Variants in UTRN observed in about 807,000 individuals in gnomAD.
UTRN encodes dystrophin-related protein 1.
UTRN carries 283 observed loss-of-function variants against 463.9 expected under a neutral mutation model. The observed-to-expected ratio is 0.61, with a 90% CI of 0.55 to 0.67. UTRN has a LOEUF of 0.67. UTRN is among the 30% of genes least tolerant of loss of function. The pLI is 0.00. For synonymous variants in UTRN, 1,442 were observed against 1,431.5 expected, an observed-to-expected ratio of 1.01 and a Z score of -0.17; for missense variants, 3,922 against 4,084.3, an observed-to-expected ratio of 0.96 and a Z score of 1.08.
chr6:144,771,497 C>T (rs906595543), intron 58 of UTRN, among the ~76,000 whole-genome samples: 2 of 152,136 alleles, frequency 1.3e-5, no homozygotes, highest in Non-Finnish European at 2.9e-5. Flanking sequence ...ACGATCTCGG[C>T]TCACTGCAAC....
At chr6:144,474,164 G>A (rs1790951397) in intron 24 of UTRN, among the ~76,000 whole-genome samples, 1 of 150,176 alleles carries the variant, frequency 6.7e-6, no homozygotes, top group Non-Finnish European at 1.5e-5. Flanking sequence ...AATTTGAGAA[G>A]TGTCTGTTCA....
chr6:144,676,516 G>A (rs994405787), intron 51 of UTRN, among the ~76,000 whole-genome samples: 5 of 148,180 alleles, frequency 3.4e-5, no homozygotes, highest in Admixed American at 2.0e-4. Context: ...TTGCTGACAC[G>A]TTAAAAGTTT....
chr6:144,434,989 G>C (rs747244599), intron 9 of UTRN, among the ~76,000 whole-genome samples: 2 of 152,180 alleles, frequency 1.3e-5, no homozygotes, highest in Admixed American at 6.5e-5. Context: ...CCCTGAAGAT[G>C]ATGCTAGAAA....
rs972701890 is a variant in UTRN at position 144,447,204 on chromosome 6, C to T, written c.1615-7C>T. 8 of 1,612,484 alleles carry T rather than the reference C, an allele frequency of 5.0e-6. No individual in the cohort carries two copies. Among genetic ancestry groups the T allele is most frequent in the Non-Finnish European group, 5.9e-6 (7 of 1,179,086 alleles). ...AGATAAAGTTCAACTTTTGTTATTA[C>T]TTGTAGTGCTTGTTGAAAGCTTGGT... On this transcript the variant is annotated splice_region_variant and splice_polypyrimidine_tract_variant and intron_variant, in intron 14 of 74. Coordinates refer to ENST00000367545, the MANE Select transcript of UTRN (RefSeq NM_007124.3).
chr6:144,717,888 G>T (rs911217558), intron 53 of UTRN, among the ~76,000 whole-genome samples: 1 of 151,978 alleles, frequency 6.6e-6, no homozygotes, highest in Non-Finnish European at 1.5e-5. Context: ...ACCCGCCTCA[G>T]CCTCCCAAAG....
At chr6:144,740,383 T>C (rs1789917335) in intron 54 of UTRN, among the ~76,000 whole-genome samples, 1 of 152,230 alleles carries the variant, frequency 6.6e-6, no homozygotes, top group South Asian at 2.1e-4. Context: ...AATGGAATCA[T>C]AAACAGTTCA....
At chr6:144,461,501 CATAAA>C (rs1444110550) in intron 22 of UTRN, among the ~76,000 whole-genome samples, 159 bp downstream of exon 22, 1 of 152,116 alleles carries the variant, frequency 6.6e-6, no homozygotes, top group Non-Finnish European at 1.5e-5. Flanking sequence ...TTTGACCTCA[CATAAA>C]AGAAAGTACA....
Position 144,474,661 on chromosome 6 carries a change from G to C in UTRN, c.3238G>C (p.Glu1080Gln), listed in dbSNP as rs186132636. ...ESSLKNMKEI[E>Q]TNLRSGPVAG... ...ATCTCTGAAAAACATGAAGGAAATA[G>C]AGACTAATCTTCGAAGTGGTCCAGT... The change falls in exon 25 of 75, where the codon GAG (glutamate) becomes CAG (glutamine). Residue 1080 changes from glutamate to glutamine, a missense_variant. Physicochemically the swap from Glu to Gln is conservative, Grantham distance 29 (BLOSUM62 2). Coordinates refer to ENST00000367545, the MANE Select transcript of UTRN (RefSeq NM_007124.3). 8 of 1,613,902 alleles carry C rather than the reference G, an allele frequency of 5.0e-6. No homozygotes were observed. The Admixed American group carries it at 1.0e-4, about 20-fold the overall frequency.
chr6:144,489,323 A>T (rs1416414785), intron 30 of UTRN, among the ~76,000 whole-genome samples: 1 of 151,850 alleles, frequency 6.6e-6, no homozygotes, highest in African/African-American at 2.4e-5. Context: ...TAATTTTTGT[A>T]TTTTTAGTAG....
chr6:144,675,046 A>T (rs1781452618), intron 51 of UTRN, among the ~76,000 whole-genome samples: 1 of 152,224 alleles, frequency 6.6e-6, no homozygotes, highest in African/African-American at 2.4e-5. Context: ...TCATATTACC[A>T]GAACTGCTTT....
intron 53 of UTRN, among the ~76,000 whole-genome samples, chr6:144,718,043 C>T (rs1360107388): frequency 1.3e-5 from 2 of 152,274 alleles, no homozygotes; most frequent in East Asian, 3.9e-4. Flanking sequence ...TTTGTTCTGG[C>T]ATTGGTCAAC....
intron 53 of UTRN, among the ~76,000 whole-genome samples, chr6:144,729,266 A>C (rs575390571): frequency 1.3e-5 from 2 of 152,188 alleles, no homozygotes; most frequent in Non-Finnish European, 1.5e-5. Context: ...CCATATTTTT[A>C]TATAAGATAA....
chr6:144,390,436 G>T (rs1781805892), intron 2 of UTRN, among the ~76,000 whole-genome samples: 2 of 152,098 alleles, frequency 1.3e-5, no homozygotes, highest in South Asian at 4.1e-4. Flanking sequence ...GCACCCTTCT[G>T]ATCATGTCAC....
rs1027312734 is a variant in UTRN, at chr6:144,850,882, TAA to T, written c.10294-106_10294-105del. Reference sequence around the variant, plus strand: ...CAGGAAGCAAAAGTCACAGTAGAGTTAAGACTCTTGAAAGAAGCACTTTTATT... The same window carrying T: ...CAGGAAGCAAAAGTCACAGTAGAGTTGACTCTTGAAAGAAGCACTTTTATT... On this transcript the variant is annotated intron_variant, in intron 74 of 74. Coordinates refer to ENST00000367545, the MANE Select transcript of UTRN (RefSeq NM_007124.3). 9.3e-5 allele frequency: 137 copies of T among 1,480,690 alleles called. No individual in the cohort carries two copies. In the African/African-American group the frequency reaches 1.4e-3, roughly 16 times the overall value. 91.7% of individuals were successfully genotyped at this position (1,480,690 alleles called of 1,614,324 possible). A position where few individuals can be genotyped will look rare whatever the true frequency, so the allele number is the denominator to read the frequency against.
chr6:144,384,136 C>T lies in UTRN; in HGVS notation c.80-18987C>T, dbSNP rs897251941. Among the ~76,000 whole-genome samples, 55 of 152,026 alleles carry T rather than the reference C, an allele frequency of 3.6e-4. 2 individuals carry two copies. On this transcript the variant is annotated intron_variant, in intron 2 of 74. Transcript: ENST00000367545. ...TACATACATCTTGTTATATAACCAT[C>T]ACTACCATCGTTCTCCTGAATTCTT... is the stretch of plus-strand genomic sequence containing the variant.
chr6:144,632,807 C>T (rs971102933), intron 51 of UTRN, among the ~76,000 whole-genome samples: 28 of 151,720 alleles, frequency 1.8e-4, no homozygotes, highest in Middle Eastern at 3.2e-3. Context: ...CTGCAACCTC[C>T]GCCTCCCGGG....
chr6:144,809,214 A>C (rs1252963702), intron 65 of UTRN, among the ~76,000 whole-genome samples: 2 of 152,256 alleles, frequency 1.3e-5, no homozygotes, highest in East Asian at 3.9e-4. Flanking sequence ...TTAAATACTA[A>C]GGATAATGGA....
At chr6:144,434,204 G>C (rs1035472718) in intron 9 of UTRN, among the ~76,000 whole-genome samples, 1 of 152,224 alleles carries the variant, frequency 6.6e-6, no homozygotes, top group African/African-American at 2.4e-5. Context: ...CCAGTCAGGC[G>C]TGGTGGCGCG....
chr6:144,842,081 G>A (rs1024917818), intron 73 of UTRN, among the ~76,000 whole-genome samples: 2 of 129,748 alleles, frequency 1.5e-5, no homozygotes, highest in African/African-American at 3.0e-5. Context: ...CCGCACTCCA[G>A]CCTGGGAGAC....
Sources: allele counts gnomAD v4.1 joint callset (sites outside exome capture counted in the v4.1 genomes callset), GRCh38; gene constraint gnomAD v4.1.1; transcripts MANE v1.5; gene names NCBI Gene and HGNC (gene_info 2026-07-23, HGNC 2026-07-21).